TUSC3: variants seen among roughly 807,000 people sequenced by gnomAD.
TUSC3 encodes dolichyl-diphosphooligosaccharide--protein glycosyltransferase subunit TUSC3.
TUSC3 carries 45 observed loss-of-function variants against 44.8 expected under a neutral mutation model. The observed-to-expected ratio is 1.00, with a 90% CI of 0.79 to 1.29. TUSC3 has a LOEUF of 1.29. TUSC3 is among the 50% of genes most tolerant of loss of function. TUSC3 has a pLI of 0.00. For synonymous variants in TUSC3, 212 were observed against 152.9 expected (o/e 1.39, Z -2.85); for missense variants, 519 against 437.9 (o/e 1.19, Z -1.65).
chr8:15,597,236 C>T (rs1379273262), intron 1 of TUSC3, among the ~76,000 whole-genome samples: 1 of 152,080 alleles, frequency 6.6e-6, no homozygotes, highest in African/African-American at 2.4e-5. Context: ...TTCTCTCAGT[C>T]CAACTCAGGA....
intron 6 of TUSC3, among the ~76,000 whole-genome samples, chr8:15,689,966 A>T (rs1020158094): frequency 6.6e-6 from 1 of 151,856 alleles, no homozygotes; most frequent in Non-Finnish European, 1.5e-5. Context: ...TAGTGCTATG[A>T]TGCACATACA....
At position 15,469,343 on chromosome 8, in the gene TUSC3, C is replaced by T. The variant is rs189067888; in HGVS notation, n.92-14043C>T. On this transcript the variant is annotated intron_variant and non_coding_transcript_variant, in intron 1 of 5. Transcript: ENST00000503191. ...GAAATCAAATCCATTAAAAATGGGC[C>T]GAAGATCTGAATGGACACATCACCG... 7.8e-4 allele frequency among the ~76,000 whole-genome samples: 118 copies of T among 151,960 alleles called. 1 individual carries two copies. Among genetic ancestry groups the T allele is most frequent in the African/African-American group, 2.8e-3 (115 of 41,440 alleles).
intron 6 of TUSC3, among the ~76,000 whole-genome samples, chr8:15,724,192 C>A (rs764492641): frequency 7.9e-5 from 12 of 152,060 alleles, no homozygotes; most frequent in Non-Finnish European, 1.8e-4. Flanking sequence ...CAAGGGGATC[C>A]CTCACCAGAC....
chr8:15,452,487 T>C (rs945602905), intron 1 of TUSC3, among the ~76,000 whole-genome samples: 2 of 152,190 alleles, frequency 1.3e-5, no homozygotes, highest in Non-Finnish European at 2.9e-5. Context: ...CTCCTTAGTT[T>C]CTGCAACTTT....
chr8:15,545,352 G>A (rs1365971704), intron 1 of TUSC3, among the ~76,000 whole-genome samples: 2 of 151,604 alleles, frequency 1.3e-5, no homozygotes, highest in Non-Finnish European at 2.9e-5. Flanking sequence ...TGCAGGAGAG[G>A]AACCTTGCAT....
intron 2 of TUSC3, among the ~76,000 whole-genome samples, chr8:15,506,776 C>G (rs1801056998): frequency 6.6e-6 from 1 of 152,116 alleles, no homozygotes; most frequent in Non-Finnish European, 1.5e-5. Context: ...ATTATAGGAG[C>G]TACATTTCAA....
the TUSC3 span, among the ~76,000 whole-genome samples, chr8:15,827,378 T>C: frequency 1.1e-4 from 17 of 152,226 alleles, no homozygotes; most frequent in Non-Finnish European, 1.9e-4. Flanking sequence ...TTCATGAATA[T>C]TCTTTTAAAA....
chr8:15,642,500 C>T (rs1806418485), intron 2 of TUSC3, among the ~76,000 whole-genome samples: 1 of 152,130 alleles, frequency 6.6e-6, no homozygotes, highest in Non-Finnish European at 1.5e-5. Flanking sequence ...GACATAATCT[C>T]CATCTCTTGG....
chr8:15,602,161 C>G (rs1157456153), intron 1 of TUSC3, among the ~76,000 whole-genome samples: 4 of 151,484 alleles, frequency 2.6e-5, no homozygotes, highest in Admixed American at 1.3e-4. Flanking sequence ...ATTCCAAAGT[C>G]TGAAAAAAGT....
At position 15,560,195 on chromosome 8, in the gene TUSC3, C is replaced by G. The variant is rs1322415811; in HGVS notation, c.138+19627C>G. ...CCTTCAGGAGCTCTTTTAGGGCAGGCCTGGTGGTGACAAAATCTCTCAGCA... is the reference window on the plus strand; with the variant it reads ...CCTTCAGGAGCTCTTTTAGGGCAGGGCTGGTGGTGACAAAATCTCTCAGCA... On this transcript the variant is annotated intron_variant, in intron 1 of 10. Transcript: ENST00000503731. Among the ~76,000 whole-genome samples the G allele has an allele frequency of 2.8e-5, 4 of 144,836 alleles. No individual in the cohort carries two copies. The East Asian group carries it at 8.3e-4, about 30-fold the overall frequency.
At chr8:15,812,834 G>A in the TUSC3 span, among the ~76,000 whole-genome samples, 9 of 152,234 alleles carry the variant, frequency 5.9e-5, no homozygotes, top group South Asian at 1.5e-3. Flanking sequence ...GTTGGTTCAC[G>A]CCTGTAATCC....
intron 1 of TUSC3, among the ~76,000 whole-genome samples, chr8:15,594,329 G>A (rs946953340): frequency 6.6e-6 from 1 of 152,040 alleles, no homozygotes; most frequent in African/African-American, 2.4e-5. Flanking sequence ...ACAGCTTAAT[G>A]TGCTTGTCTG....
intron 7 of TUSC3, among the ~76,000 whole-genome samples, chr8:15,731,364 A>G (rs1385958940): frequency 1.3e-5 from 2 of 152,168 alleles, no homozygotes; most frequent in African/African-American, 2.4e-5. Flanking sequence ...GGGAACATTG[A>G]TTCTCATTAT....
intron 2 of TUSC3, among the ~76,000 whole-genome samples, chr8:15,508,671 C>T (rs1275539607): frequency 2.0e-5 from 3 of 152,022 alleles, no homozygotes; most frequent in Non-Finnish European, 4.4e-5. Context: ...CCGTGTTAGC[C>T]AGGATGGTCT....
chr8:15,427,765 C>T (rs192231954), intron 1 of TUSC3, among the ~76,000 whole-genome samples: 6 of 152,224 alleles, frequency 3.9e-5, no homozygotes, highest in Admixed American at 3.3e-4. Context: ...CTAACAGCCA[C>T]ACTTGTGTAT....
intron 1 of TUSC3, among the ~76,000 whole-genome samples, chr8:15,595,370 A>G (rs1049015362): frequency 1.3e-5 from 2 of 151,876 alleles, no homozygotes; most frequent in Non-Finnish European, 2.9e-5. Flanking sequence ...GGTTACCTGG[A>G]CTTTCCGCTC....
the TUSC3 span, among the ~76,000 whole-genome samples, chr8:15,840,214 C>A: frequency 1.2e-4 from 19 of 152,132 alleles, no homozygotes; most frequent in Non-Finnish European, 2.6e-4. Flanking sequence ...ACATCACACA[C>A]TGGGACTTGT....
chr8:15,488,692 A>C (rs1281528912), intron 2 of TUSC3, among the ~76,000 whole-genome samples: 1 of 152,166 alleles, frequency 6.6e-6, no homozygotes, highest in Non-Finnish European at 1.5e-5. Context: ...GGAAAGAAAG[A>C]TGTCATAGCT....
chr8:15,620,112 T>G (rs1805177914), intron 1 of TUSC3, among the ~76,000 whole-genome samples: 1 of 152,144 alleles, frequency 6.6e-6, no homozygotes, highest in Non-Finnish European at 1.5e-5. Context: ...GTCGATTAAC[T>G]TGGAAGTGTG....
Sources: allele counts gnomAD v4.1 joint callset (sites outside exome capture counted in the v4.1 genomes callset), GRCh38; gene constraint gnomAD v4.1.1; transcripts MANE v1.5; gene names NCBI Gene and HGNC (gene_info 2026-07-23, HGNC 2026-07-21).